The following ITPR1 variants were observed in gnomAD, a reference collection of about 807,000 sequenced individuals.
The protein encoded by ITPR1 is inositol 1,4,5-trisphosphate-gated calcium channel ITPR1.
Under a neutral mutation model 318.4 loss-of-function variants are expected in ITPR1, and 96 were observed. The observed-to-expected ratio is 0.30, with a 90% CI of 0.26 to 0.36. The LOEUF (loss-of-function observed/expected upper bound fraction) is 0.36. Ranked by LOEUF, ITPR1 falls within the 10% of genes least tolerant of loss-of-function variation. The pLI is 1.00. For missense variants in ITPR1, 2,440 were observed against 3,460.2 expected (o/e 0.71, Z 7.40); for synonymous variants, 1,312 against 1,289.9 (o/e 1.02, Z -0.37).
chr3:4,739,265 C>T (rs2043523150), intron 44 of ITPR1, among the ~76,000 whole-genome samples: 1 of 152,178 alleles, frequency 6.6e-6, no homozygotes, highest in South Asian at 2.1e-4. Flanking sequence ...ATGCTTTGCT[C>T]CACTGAAGAC....
At chr3:4,676,864 C>A in intron 24 of ITPR1, 63 bp downstream of exon 24, 1 of 1,298,164 alleles carries the variant, frequency 7.7e-7, no homozygotes, top group South Asian at 1.4e-5. Context: ...CAGATCCAGT[C>A]CCTCTGTTCT....
At chr3:4,736,145 T>G (rs906425324) in intron 44 of ITPR1, among the ~76,000 whole-genome samples, 2 of 36,862 alleles carry the variant, frequency 5.4e-5, no homozygotes, top group African/African-American at 1.0e-4. Context: ...TGAATAAGAG[T>G]TTTTTTTTTG....
intron 35 of ITPR1, among the ~76,000 whole-genome samples, chr3:4,701,184 T>G (rs2094645085): frequency 6.6e-6 from 1 of 152,136 alleles, no homozygotes; most frequent in Admixed American, 6.5e-5. Flanking sequence ...AGGAATAGGG[T>G]TCAGTGGAAT....
At chr3:4,823,705 C>T (rs552076103) in intron 60 of ITPR1, among the ~76,000 whole-genome samples, 1 of 152,184 alleles carries the variant, frequency 6.6e-6, no homozygotes, top group South Asian at 2.1e-4. Flanking sequence ...GAAATGGGTT[C>T]AAGGGCACAA....
At chr3:4,571,819 T>C (rs970886924) in intron 4 of ITPR1, among the ~76,000 whole-genome samples, 3 of 152,200 alleles carry the variant, frequency 2.0e-5, no homozygotes, top group Non-Finnish European at 4.4e-5. Flanking sequence ...GAACTGGGAC[T>C]GCTAGATGTT....
intron 4 of ITPR1, among the ~76,000 whole-genome samples, chr3:4,573,981 A>G (rs2088320320): frequency 6.6e-6 from 1 of 152,228 alleles, no homozygotes; most frequent in African/African-American, 2.4e-5. Flanking sequence ...CTATTTGTGG[A>G]ATGAGTGCGT....
At chr3:4,658,789 T>G (rs1410334943) in intron 13 of ITPR1, among the ~76,000 whole-genome samples, 1 of 152,112 alleles carries the variant, frequency 6.6e-6, no homozygotes, top group Non-Finnish European at 1.5e-5. Flanking sequence ...TAAGAATGCA[T>G]TTTTCAGGGG....
intron 44 of ITPR1, among the ~76,000 whole-genome samples, chr3:4,759,695 T>C (rs1302942371): frequency 6.6e-6 from 1 of 152,184 alleles, no homozygotes; most frequent in East Asian, 1.9e-4. Context: ...TCTAGCGGCG[T>C]CTTTATCCTA....
At chr3:4,654,939 G>C (rs1159446262) in intron 12 of ITPR1, among the ~76,000 whole-genome samples, 2 of 152,034 alleles carry the variant, frequency 1.3e-5, no homozygotes, top group Middle Eastern at 3.2e-3. Context: ...TCCTTACTGG[G>C]GTACCCGAGG....
Position 4,675,168 on chromosome 3 carries a change from A to G in ITPR1, c.2699A>G (p.His900Arg). 1.2e-6 allele frequency: 2 copies of G among 1,612,222 alleles called. No individual in the cohort carries two copies. The highest frequency in any genetic ancestry group is 1.7e-6 in the Non-Finnish European group (2 of 1,178,640). The change falls in exon 23 of 62, where the codon CAT becomes CGT. Residue 900 changes from histidine to arginine, a missense_variant. By Grantham distance (29) the His-to-Arg change is conservative. Transcript: ENST00000649015. ...CTTCTGGCCATATTGGACTGTGTAC[A>G]TGTGACAACAATCTTCCCCATTAGC... ...KILLAILDCV[H>R]VTTIFPISKM...
chr3:4,740,017 T>C (rs1294405326), intron 44 of ITPR1, among the ~76,000 whole-genome samples: 1 of 152,234 alleles, frequency 6.6e-6, no homozygotes, highest in East Asian at 1.9e-4. Context: ...AAGCCTGGGT[T>C]TAGAATTCCT....
intron 4 of ITPR1, among the ~76,000 whole-genome samples, chr3:4,600,009 C>G (rs1344249743): frequency 1.3e-5 from 2 of 152,198 alleles, no homozygotes; most frequent in Non-Finnish European, 2.9e-5. Context: ...CCCCAGGAAG[C>G]CTGATGTGCT....
intron 54 of ITPR1, among the ~76,000 whole-genome samples, chr3:4,803,835 G>C (rs1458491027): frequency 6.6e-6 from 1 of 152,112 alleles, no homozygotes. Flanking sequence ...CTGGTAGGGG[G>C]CAAACAGCTA....
intron 60 of ITPR1, among the ~76,000 whole-genome samples, chr3:4,831,665 G>A (rs2050522927): frequency 6.6e-6 from 1 of 152,182 alleles, no homozygotes; most frequent in Non-Finnish European, 1.5e-5. Flanking sequence ...AAGACACTGA[G>A]ACACGTTTTT....
rs2093648048 is a variant in ITPR1, at chr3:4,653,825, T to A, written c.952-17T>A. The A allele has an allele frequency of 6.3e-7, 1 of 1,597,988 alleles. No individual in the cohort carries two copies. The highest frequency in any genetic ancestry group is 1.3e-5 in the African/African-American group (1 of 74,798). On this transcript the variant is annotated splice_polypyrimidine_tract_variant and intron_variant, in intron 11 of 61. Coordinates refer to ENST00000649015, the MANE Select transcript of ITPR1 (RefSeq NM_001378452.1). ...AGCAATGGATGTTTTAATTTCCTAA[T>A]GATTCTTTTTCATCAGGTAGACCCT...
chr3:4,561,368 G>A (rs909266159), intron 4 of ITPR1, among the ~76,000 whole-genome samples: 2 of 152,200 alleles, frequency 1.3e-5, no homozygotes, highest in Middle Eastern at 3.2e-3. Context: ...ATGATATTGA[G>A]ACCGAGTGGT....
chr3:4,842,302 A>G (rs546078034), intron 61 of ITPR1, among the ~76,000 whole-genome samples: 16 of 152,382 alleles, frequency 1.0e-4, no homozygotes, highest in African/African-American at 3.8e-4. Context: ...ATAGATGTGA[A>G]GAACAGCATT....
intron 36 of ITPR1, 106 bp from the exon 37 acceptor site, chr3:4,706,061 T>C: frequency 8.5e-7 from 1 of 1,175,384 alleles, no homozygotes; most frequent in Non-Finnish European, 1.2e-6. Flanking sequence ...AGCTGGCCCA[T>C]TCTGGGTGTG....
At chr3:4,497,499 A>G (rs1293169641) in intron 2 of ITPR1, among the ~76,000 whole-genome samples, 1 of 152,152 alleles carries the variant, frequency 6.6e-6, no homozygotes, top group Non-Finnish European at 1.5e-5. Flanking sequence ...ATAAACAAGT[A>G]AGTATTATAG....
Sources: gnomAD v4.1 joint callset for allele counts (sites outside exome capture counted in the v4.1 genomes callset) on GRCh38, gnomAD v4.1.1 for gene constraint, MANE v1.5 for transcripts, NCBI Gene and HGNC (gene_info 2026-07-23, HGNC 2026-07-21) for gene names.